PCDHA8: variants seen among roughly 807,000 people sequenced by gnomAD.
PCDHA8 encodes the protein protocadherin alpha-8.
In PCDHA8, 53 loss-of-function variants were observed where a neutral mutation model predicts 61.8. The ratio of observed to expected loss-of-function variants is 0.86; its 90% CI spans 0.69 to 1.08. PCDHA8 has a LOEUF of 1.08. Among genes scored for constraint, PCDHA8 ranks in the 50% least tolerant of loss-of-function variants. The pLI is 0.00. For missense variants in PCDHA8, 1,293 were observed against 1,245.0 expected (o/e 1.04, Z -0.58); for synonymous variants, 618 against 556.6 (o/e 1.11, Z -1.55).
chr5:140,966,050 C>T (rs1554228018), intron 1 of PCDHA8, among the ~76,000 whole-genome samples: 3 of 152,206 alleles, frequency 2.0e-5, no homozygotes, highest in African/African-American at 7.2e-5. Context: ...TCGCCAGTAA[C>T]CCCAGAGCGC....
intron 1 of PCDHA8, among the ~76,000 whole-genome samples, chr5:140,935,985 C>T (rs155825): frequency 0.32 from 47,782 of 150,880 alleles, 7,901 homozygotes; most frequent in East Asian, 0.53. Context: ...CTCTGCCTCC[C>T]GGGTTCAAGC....
At chr5:140,843,912 C>T in intron 1 of PCDHA8, 197 bp downstream of exon 1, 1 of 634,402 alleles carries the variant, frequency 1.6e-6, no homozygotes, top group East Asian at 2.9e-5. Flanking sequence ...CAAGTTGGGT[C>T]TATCTTGAAA....
intron 3 of PCDHA8, among the ~76,000 whole-genome samples, chr5:140,999,867 C>A (rs1269782566): frequency 1.3e-5 from 2 of 152,190 alleles, no homozygotes; most frequent in African/African-American, 4.8e-5. Context: ...TCCAAGATTA[C>A]TGAAAATTAG....
At chr5:140,972,096 A>G (rs2096519185) in intron 1 of PCDHA8, among the ~76,000 whole-genome samples, 1 of 152,168 alleles carries the variant, frequency 6.6e-6, no homozygotes. Context: ...AATTTCTGGC[A>G]TAGAAGCAGG....
At chr5:140,960,186 G>A (rs2153724328) in intron 1 of PCDHA8, among the ~76,000 whole-genome samples, 1 of 152,260 alleles carries the variant, frequency 6.6e-6, no homozygotes, top group East Asian at 1.9e-4. Flanking sequence ...GGGGTTGCAT[G>A]TGTAGTGGTC....
chr5:140,842,163 T>G lies in PCDHA8; in HGVS notation c.842T>G (p.Phe281Cys), dbSNP rs1777744239. The G allele has an allele frequency of 6.2e-7, 1 of 1,613,748 alleles. No homozygotes were observed. The highest frequency in any genetic ancestry group is 1.3e-5 in the African/African-American group (1 of 74,856). The change falls in exon 1 of 4, where the codon TTT becomes TGT. Residue 281 changes from phenylalanine to cysteine, a missense_variant. By Grantham distance (205) the Phe-to-Cys change is radical (BLOSUM62 -2). Coordinates refer to ENST00000531613, the MANE Select transcript of PCDHA8 (RefSeq NM_018911.3). Reference protein sequence around the residue: ...EGANGAISYSFNSLVETMVID... With the variant: ...EGANGAISYSCNSLVETMVID... Reference sequence around the variant, plus strand: ...GCCAATGGGGCAATTTCATATTCTTTTAATAGCCTTGTTGAAACTATGGTT... The same window carrying G: ...GCCAATGGGGCAATTTCATATTCTTGTAATAGCCTTGTTGAAACTATGGTT...
rs782357436 is a variant in PCDHA8, at chr5:140,876,751, G to T, written c.2394+33036G>T. On this transcript the variant is annotated intron_variant, in intron 1 of 3. Transcript: ENST00000531613. ...GTCGGCCTATGAGCTGGTGGTGACTGCGCGGGATGGGGGCTCGCCTTCGCT... is the reference window on the plus strand; with the variant it reads ...GTCGGCCTATGAGCTGGTGGTGACTTCGCGGGATGGGGGCTCGCCTTCGCT... 2.5e-6 allele frequency: 4 copies of T among 1,614,258 alleles called. No individual in the cohort carries two copies. The Admixed American group carries it at 6.7e-5, about 27-fold the overall frequency.
At chr5:140,878,174 T>C (rs1554170323) in intron 1 of PCDHA8, 2 of 167,818 alleles carry the variant, frequency 1.2e-5, no homozygotes, top group African/African-American at 2.4e-5. Flanking sequence ...TGTTCATAAT[T>C]TCAAGATTAC....
chr5:140,961,247 C>T (rs527974851), intron 1 of PCDHA8, among the ~76,000 whole-genome samples: 6 of 152,070 alleles, frequency 3.9e-5, no homozygotes, highest in East Asian at 1.9e-4. Flanking sequence ...GGAATTTATC[C>T]GAAGCTCCAG....
chr5:140,850,369 G>T, intron 1 of PCDHA8: 1 of 1,597,922 alleles, frequency 6.3e-7, no homozygotes, highest in Non-Finnish European at 8.6e-7. Context: ...TTCCGCGTGG[G>T]GCTGTACACG....
At chr5:140,956,073 T>C (rs2095254120) in intron 1 of PCDHA8, among the ~76,000 whole-genome samples, 1 of 152,208 alleles carries the variant, frequency 6.6e-6, no homozygotes, top group South Asian at 2.1e-4. Context: ...TTTCCAGATA[T>C]AGGATCATGT....
At chr5:140,985,348 A>G (rs1197077354) in intron 3 of PCDHA8, among the ~76,000 whole-genome samples, 2 of 152,190 alleles carry the variant, frequency 1.3e-5, no homozygotes, top group Non-Finnish European at 2.9e-5. Context: ...AGGCCCAGAT[A>G]TAGACCCTCT....
At chr5:140,933,458 C>G (rs1040429377) in intron 1 of PCDHA8, among the ~76,000 whole-genome samples, 2 of 151,968 alleles carry the variant, frequency 1.3e-5, no homozygotes, top group Non-Finnish European at 2.9e-5. Flanking sequence ...TCAAAATATA[C>G]TCTGAATTCA....
chr5:140,960,789 T>C (rs1221128371), intron 1 of PCDHA8, among the ~76,000 whole-genome samples: 3 of 152,058 alleles, frequency 2.0e-5, no homozygotes. Context: ...CCAAACAAGG[T>C]TTCTATTAAA....
intron 1 of PCDHA8, among the ~76,000 whole-genome samples, chr5:140,914,261 T>G (rs1294037425): frequency 6.6e-6 from 1 of 152,202 alleles, no homozygotes; most frequent in Non-Finnish European, 1.5e-5. Context: ...GCTTCAATGG[T>G]GGGTGCATAT....
In PCDHA8 at chr5:140,841,433, G is replaced by C; in HGVS notation, c.112G>C (p.Glu38Gln). Residue 38 changes from glutamate (E) to glutamine (Q), a missense_variant, in exon 1 of 4, where the codon GAG becomes CAG. Physicochemically the swap from Glu to Gln is conservative, Grantham distance 29. Coordinates refer to ENST00000531613, the MANE Select transcript of PCDHA8 (RefSeq NM_018911.3). ...CCAGCTCCACTACTCCGTCCCCGAG[G>C]AGGCCAAACACGGCACCTTCGTGGG... Reference protein sequence around the residue: ...SGQLHYSVPEEAKHGTFVGRI... With the variant: ...SGQLHYSVPEQAKHGTFVGRI... The C allele has an allele frequency of 6.2e-7, 1 of 1,612,986 alleles. No homozygotes were observed. Among genetic ancestry groups the C allele is most frequent in the Non-Finnish European group, 8.5e-7 (1 of 1,179,876 alleles).
chr5:140,963,551 G>C (rs2095774327), intron 1 of PCDHA8, among the ~76,000 whole-genome samples: 1 of 152,158 alleles, frequency 6.6e-6, no homozygotes, highest in African/African-American at 2.4e-5. Flanking sequence ...GATATAAAAA[G>C]GGGCTGTTTT....
At chr5:140,869,751 CG>C (rs782746767) in intron 1 of PCDHA8, 1 of 1,613,134 alleles carries the variant, frequency 6.2e-7, no homozygotes, top group South Asian at 1.1e-5. Flanking sequence ...CAGCTACAGA[CG>C]GGGGAAAACC....
At chr5:140,851,809 T>TA in intron 1 of PCDHA8, 1 of 948,344 alleles carries the variant, frequency 1.1e-6, no homozygotes, top group Non-Finnish European at 1.3e-6. Flanking sequence ...CAGTAATCCA[T>TA]AAGACAGAAA....
Sources: allele counts gnomAD v4.1 joint callset (sites outside exome capture counted in the v4.1 genomes callset), GRCh38; gene constraint gnomAD v4.1.1; transcripts MANE v1.5; gene names NCBI Gene and HGNC (gene_info 2026-07-23, HGNC 2026-07-21).